Variants in TMCO4 observed in about 807,000 individuals in gnomAD.
The protein encoded by TMCO4 is transmembrane and coiled-coil domain-containing protein 4.
In TMCO4, 58 loss-of-function variants were observed where a neutral mutation model predicts 64.7. The ratio of observed to expected loss-of-function variants is 0.90; its 90% CI spans 0.73 to 1.12. TMCO4 has a LOEUF of 1.12. TMCO4 is among the 50% of genes most tolerant of loss of function. The probability of loss-of-function intolerance (pLI) is 0.00; values close to 1 mark genes in which losing one functional copy is unlikely to be tolerated. For missense variants in TMCO4, 780 were observed against 825.9 expected, an observed-to-expected ratio of 0.94 and a Z score of 0.68; for synonymous variants, 325 against 346.1, an observed-to-expected ratio of 0.94 and a Z score of 0.68.
chr1:19,746,258 A>G (rs545940552), intron 9 of TMCO4, among the ~76,000 whole-genome samples, 198 bp downstream of exon 9: 36 of 152,306 alleles, frequency 2.4e-4, no homozygotes, highest in African/African-American at 8.7e-4. Context: ...GTGCATGGGG[A>G]AAAAGCCAGC....
intron 5 of TMCO4, among the ~76,000 whole-genome samples, 194 bp downstream of exon 5, chr1:19,771,114 G>C (rs1485329387): frequency 6.6e-6 from 1 of 150,402 alleles, no homozygotes; most frequent in East Asian, 1.9e-4. Context: ...AAAGGAACCA[G>C]CACGTAATCA....
chr1:19,740,896 T>G lies in TMCO4; in HGVS notation c.923A>C (p.Gln308Pro). 7 of 1,613,942 alleles carry G rather than the reference T, an allele frequency of 4.3e-6. No homozygotes were observed. Among genetic ancestry groups the G allele is most frequent in the Non-Finnish European group, 5.9e-6 (7 of 1,179,942 alleles). ...PWAALAHSRE[Q>P]YCLAWEAKYL... is the part of the protein sequence containing the mutation. ...CTTGGCTTCCCAGGCCAGGCAGTAC[T>G]GCTCACGGCTGTGGGCCAGGGCAGC... The change falls in exon 11 of 16, where the codon CAG becomes CCG. Residue 308 changes from glutamine to proline, a missense_variant. Physicochemically the swap from Gln to Pro is moderately conservative, Grantham distance 76. Transcript: ENST00000294543.
chr1:19,757,167 G>T (rs1255508075), intron 6 of TMCO4, among the ~76,000 whole-genome samples: 2 of 150,394 alleles, frequency 1.3e-5, no homozygotes, highest in Admixed American at 1.3e-4. Context: ...GGCGGGGGGG[G>T]GCGCCTGTAA....
chr1:19,702,133 C>T (rs2095276613), intron 13 of TMCO4, among the ~76,000 whole-genome samples: 1 of 152,086 alleles, frequency 6.6e-6, no homozygotes, highest in South Asian at 2.1e-4. Flanking sequence ...CCACACCCGG[C>T]TAATCTTTAG....
Position 19,682,684 on chromosome 1 carries a change from G to A in TMCO4, c.*356C>T, listed in dbSNP as rs1199833748. On this transcript the variant is annotated 3_prime_UTR_variant, in exon 16 of 16. Transcript: ENST00000294543. The stretch of plus-strand genomic sequence containing the variant: ...AGCCTCAGGCCCCAGAGAGCCCTCG[G>A]GACCTCCTGATGGACAGCCAGACTC... 1.8e-5 allele frequency: 13 copies of A among 717,526 alleles called. No individual in the cohort carries two copies. In the East Asian group the frequency reaches 3.5e-4, roughly 19 times the overall value. The allele number at this position is 717,526 out of a possible 1,614,324, so 44.4% of individuals were successfully genotyped here.
At chr1:19,774,676 A>T (rs1444232346) in intron 4 of TMCO4, among the ~76,000 whole-genome samples, 1 of 152,200 alleles carries the variant, frequency 6.6e-6, no homozygotes, top group East Asian at 1.9e-4. Flanking sequence ...AATACAGGAA[A>T]ATCAACAGCA....
At chr1:19,694,405 A>G (rs780455879) in intron 15 of TMCO4, 29 bp downstream of exon 15, 16 of 1,593,690 alleles carry the variant, frequency 1.0e-5, no homozygotes, top group Non-Finnish European at 1.4e-5. Context: ...GCAAACGCAA[A>G]GCCCCAGGAG....
chr1:19,770,754 A>T (rs2042944548), intron 5 of TMCO4, among the ~76,000 whole-genome samples, 185 bp from the exon 6 acceptor site: 1 of 152,236 alleles, frequency 6.6e-6, no homozygotes, highest in Non-Finnish European at 1.5e-5. Context: ...GACTTCAGGT[A>T]GTGAGATAAG....
At chr1:19,685,331 A>AAAACAAAC (rs10638588) in intron 15 of TMCO4, among the ~76,000 whole-genome samples, 4 of 151,544 alleles carry the variant, frequency 2.6e-5, no homozygotes, top group South Asian at 4.2e-4. Flanking sequence ...GTCTCCAGAA[A>AAAACAAAC]AAACAAACAG....
intron 3 of TMCO4, among the ~76,000 whole-genome samples, chr1:19,781,862 G>A (rs1439004882): frequency 6.6e-6 from 1 of 152,134 alleles, no homozygotes; most frequent in East Asian, 1.9e-4. Context: ...TAGCCAGGAT[G>A]GTCTCCATCT....
intron 13 of TMCO4, among the ~76,000 whole-genome samples, chr1:19,721,165 G>T (rs1036302167): frequency 6.6e-6 from 1 of 152,158 alleles, no homozygotes; most frequent in Non-Finnish European, 1.5e-5. Context: ...TCTGAGTGAG[G>T]GGGAGGCCTG....
At chr1:19,793,065 T>G (rs1379569638) in intron 2 of TMCO4, among the ~76,000 whole-genome samples, 2 of 152,102 alleles carry the variant, frequency 1.3e-5, no homozygotes, top group African/African-American at 2.4e-5. Context: ...CCACCACGCC[T>G]GGCCTCAGTG....
At chr1:19,729,819 T>C (rs558071837) in intron 13 of TMCO4, among the ~76,000 whole-genome samples, 1 of 152,290 alleles carries the variant, frequency 6.6e-6, no homozygotes, top group East Asian at 1.9e-4. Context: ...GATTTTATTG[T>C]TCATAACACA....
intron 10 of TMCO4, 122 bp downstream of exon 10, chr1:19,745,410 T>C: frequency 6.8e-7 from 1 of 1,480,242 alleles, no homozygotes; most frequent in Non-Finnish European, 9.1e-7. Flanking sequence ...AGCCTCAGTT[T>C]CTTCCTCTGC....
chr1:19,750,827 C>A (rs990679194), intron 7 of TMCO4, among the ~76,000 whole-genome samples: 2 of 152,214 alleles, frequency 1.3e-5, no homozygotes, highest in Non-Finnish European at 2.9e-5. Context: ...TGGGACATAT[C>A]CTCCAGGAAG....
At chr1:19,702,895 C>G (rs79839140) in intron 13 of TMCO4, among the ~76,000 whole-genome samples, 1 of 152,246 alleles carries the variant, frequency 6.6e-6, no homozygotes, top group Non-Finnish European at 1.5e-5. Context: ...GCATGTGGAC[C>G]AGGCTTGGAG....
intron 6 of TMCO4, among the ~76,000 whole-genome samples, chr1:19,756,013 G>A (rs1203910810): frequency 6.6e-6 from 1 of 152,232 alleles, no homozygotes; most frequent in East Asian, 1.9e-4. Flanking sequence ...TCGGGGGGCT[G>A]AGGCAGGCAG....
chr1:19,683,908 G>A (rs769318876), intron 15 of TMCO4, among the ~76,000 whole-genome samples: 15 of 151,034 alleles, frequency 9.9e-5, no homozygotes, highest in Non-Finnish European at 1.8e-4. Context: ...GATTACAGGC[G>A]TGTGCCACCA....
chr1:19,775,229 T>C (rs532429626), intron 4 of TMCO4, among the ~76,000 whole-genome samples: 10 of 152,308 alleles, frequency 6.6e-5, no homozygotes, highest in Middle Eastern at 3.4e-3. Context: ...CACACCCATC[T>C]AATTTTGTAA....
Sources: gnomAD v4.1 joint callset for allele counts (sites outside exome capture counted in the v4.1 genomes callset) on GRCh38, gnomAD v4.1.1 for gene constraint, MANE v1.5 for transcripts, NCBI Gene and HGNC (gene_info 2026-07-23, HGNC 2026-07-21) for gene names.